The following ZNF438 variants were observed in gnomAD, a reference collection of about 807,000 sequenced individuals.
The protein encoded by ZNF438 is zinc finger protein 438.
ZNF438 carries 25 observed loss-of-function variants against 38.0 expected under a neutral mutation model. The ratio of observed to expected loss-of-function variants is 0.66; its 90% CI spans 0.48 to 0.92. ZNF438 has a LOEUF of 0.92. Among genes scored for constraint, ZNF438 ranks in the 40% least tolerant of loss-of-function variants. The pLI is 0.00. For missense variants in ZNF438, 1,007 were observed against 999.6 expected (o/e 1.01, Z -0.10); for synonymous variants, 372 against 364.1 (o/e 1.02, Z -0.25).
chr10:30,896,842 T>C lies in ZNF438; in HGVS notation c.-32+12091A>G, dbSNP rs1353254855. On this transcript the variant is annotated intron_variant, in intron 3 of 5. Coordinates refer to ENST00000413025, the Ensembl canonical transcript of ZNF438. ...GAAGGTAAATTTTAAGTTATGTGTTTTTTACCACAATAAAAAAAGTAAATG... is the reference window on the plus strand; with the variant it reads ...GAAGGTAAATTTTAAGTTATGTGTTCTTTACCACAATAAAAAAAGTAAATG... Among the ~76,000 whole-genome samples, 6 of 152,248 alleles carry C rather than the reference T, an allele frequency of 3.9e-5. No individual in the cohort carries two copies. In the South Asian group the frequency reaches 6.2e-4, roughly 16 times the overall value.
chr10:30,996,829 T>C (rs1309118376), intron 1 of ZNF438, among the ~76,000 whole-genome samples: 1 of 152,080 alleles, frequency 6.6e-6, no homozygotes, highest in Non-Finnish European at 1.5e-5. Context: ...TTAAAGAGAT[T>C]AATCACACAA....
At chr10:30,905,551 G>A (rs2042496980) in intron 3 of ZNF438, among the ~76,000 whole-genome samples, 1 of 152,114 alleles carries the variant, frequency 6.6e-6, no homozygotes, top group Admixed American at 6.5e-5. Flanking sequence ...CATTTTGTGG[G>A]CTGTCTTTTC....
At chr10:30,872,670 A>G (rs1272133477) in intron 4 of ZNF438, among the ~76,000 whole-genome samples, 2 of 143,622 alleles carry the variant, frequency 1.4e-5, no homozygotes. Context: ...GAATGGCATG[A>G]ACCTGGGAGG....
chr10:30,887,482 G>A (rs889304325), intron 3 of ZNF438, among the ~76,000 whole-genome samples: 1 of 116,982 alleles, frequency 8.5e-6, no homozygotes, highest in Non-Finnish European at 2.2e-5. Context: ...TCCGGCTCCC[G>A]GGTTCAAGCG....
chr10:30,910,945 T>G (rs2043020787), intron 2 of ZNF438, among the ~76,000 whole-genome samples: 1 of 152,054 alleles, frequency 6.6e-6, no homozygotes, highest in Non-Finnish European at 1.5e-5. Flanking sequence ...ATCAAAATCT[T>G]AGAATATGGT....
intron 1 of ZNF438, among the ~76,000 whole-genome samples, chr10:31,001,758 T>C (rs1280646685): frequency 6.6e-6 from 1 of 152,222 alleles, no homozygotes; most frequent in Non-Finnish European, 1.5e-5. Flanking sequence ...TTGTAGTTCA[T>C]TAAAACATTC....
At chr10:30,881,571 T>C (rs1588977024) in intron 3 of ZNF438, among the ~76,000 whole-genome samples, 1 of 152,262 alleles carries the variant, frequency 6.6e-6, no homozygotes, top group East Asian at 1.9e-4. Context: ...CAAATAAATA[T>C]ATAAATTCAA....
intron 1 of ZNF438, among the ~76,000 whole-genome samples, chr10:30,964,191 C>T (rs1164557004): frequency 6.6e-6 from 1 of 152,214 alleles, no homozygotes; most frequent in Non-Finnish European, 1.5e-5. Flanking sequence ...CTGCTCGGCA[C>T]AGGAAGTGTG....
chr10:30,967,536 T>C (rs890417520), intron 1 of ZNF438, among the ~76,000 whole-genome samples: 5 of 152,210 alleles, frequency 3.3e-5, no homozygotes, highest in African/African-American at 1.2e-4. Context: ...AGGGTTTCAT[T>C]CAACCAGAAA....
At chr10:30,871,218 T>C (rs916306183) in intron 4 of ZNF438, among the ~76,000 whole-genome samples, 2 of 152,170 alleles carry the variant, frequency 1.3e-5, no homozygotes, top group African/African-American at 2.4e-5. Flanking sequence ...GGTTTTATTT[T>C]CCCCCCTTTG....
At chr10:30,921,882 G>A (rs1015905311) in intron 2 of ZNF438, among the ~76,000 whole-genome samples, 5 of 152,056 alleles carry the variant, frequency 3.3e-5, no homozygotes. Context: ...GGCATCATGC[G>A]GCCTCTCTTC....
chr10:30,990,185 A>C (rs1287022855), intron 1 of ZNF438, among the ~76,000 whole-genome samples: 1 of 152,178 alleles, frequency 6.6e-6, no homozygotes, highest in Non-Finnish European at 1.5e-5. Context: ...AAATATATCA[A>C]AGGGAAAAAA....
Position 30,845,496 on chromosome 10 carries a change from C to T in ZNF438, c.1952G>A (p.Arg651His), listed in dbSNP as rs142326775. 6.0e-3 allele frequency: 9,701 copies of T among 1,614,092 alleles called. 820 individuals carry two copies. The Admixed American group carries it at 0.15, about 25-fold the overall frequency. ...AAAAGACTGAGCAGTAATCTGACAA[C>T]GACCACATTTGATTTGTAATTTGAC... The change falls in exon 6 of 6, where the codon CGT becomes CAT. Residue 651 changes from arginine to histidine, a missense_variant. Physicochemically the swap from Arg to His is conservative, Grantham distance 29 (BLOSUM62 0). Coordinates refer to ENST00000413025, the Ensembl canonical transcript of ZNF438.
intron 4 of ZNF438, among the ~76,000 whole-genome samples, chr10:30,863,793 C>T (rs1255157019): frequency 6.6e-6 from 1 of 152,192 alleles, no homozygotes; most frequent in Non-Finnish European, 1.5e-5. Context: ...TGTAGGTTCG[C>T]CCCCTTGCTG....
intron 2 of ZNF438, among the ~76,000 whole-genome samples, chr10:30,921,401 T>C (rs571314328): frequency 6.6e-6 from 1 of 152,244 alleles, no homozygotes; most frequent in Non-Finnish European, 1.5e-5. Flanking sequence ...TATAAAAATC[T>C]GTAAGTTACC....
intron 1 of ZNF438, among the ~76,000 whole-genome samples, chr10:30,971,347 G>A (rs1186664138): frequency 2.0e-5 from 3 of 152,240 alleles, no homozygotes; most frequent in East Asian, 3.9e-4. Flanking sequence ...TATTTAAAAT[G>A]AACCAGCAAT....
chr10:30,875,207 A>T, intron 4 of ZNF438: 1 of 960,684 alleles, frequency 1.0e-6, no homozygotes, highest in African/African-American at 1.8e-5. Flanking sequence ...TAGCCCAGAG[A>T]GGTAGGCATC....
At chr10:30,906,780 G>A (rs992665266) in intron 3 of ZNF438, among the ~76,000 whole-genome samples, 34 of 152,140 alleles carry the variant, frequency 2.2e-4, no homozygotes, top group African/African-American at 8.2e-4. Flanking sequence ...TGATAAAAGG[G>A]ACTTAGATTT....
At chr10:30,878,214 T>TCAGAAAGA (rs2038724354) in intron 3 of ZNF438, among the ~76,000 whole-genome samples, 1 of 152,180 alleles carries the variant, frequency 6.6e-6, no homozygotes, top group African/African-American at 2.4e-5. Context: ...AATGTCTTTT[T>TCAGAAAGA]ACCAATCGAA....
Sources: allele counts gnomAD v4.1 joint callset (sites outside exome capture counted in the v4.1 genomes callset), GRCh38; gene constraint gnomAD v4.1.1; transcripts MANE v1.5; gene names NCBI Gene and HGNC (gene_info 2026-07-23, HGNC 2026-07-21).